TP73: variants seen among roughly 807,000 people sequenced by gnomAD.
The protein encoded by TP73 is p53-like transcription factor.
In TP73, 25 loss-of-function variants were observed where a neutral mutation model predicts 62.5. The observed-to-expected ratio is 0.40, with a 90% CI of 0.29 to 0.56. TP73 has a LOEUF of 0.56. Ranked by LOEUF, TP73 falls within the 20% of genes least tolerant of loss-of-function variation. The pLI is 0.46. For synonymous variants in TP73, 423 were observed against 377.5 expected, an observed-to-expected ratio of 1.12 and a Z score of -1.40; for missense variants, 754 against 913.3, an observed-to-expected ratio of 0.83 and a Z score of 2.25.
chr1:3,664,942 C>T (rs1214263890), intron 1 of TP73, among the ~76,000 whole-genome samples: 1 of 152,184 alleles, frequency 6.6e-6, no homozygotes, highest in African/African-American at 2.4e-5. Flanking sequence ...TTATGGTCCT[C>T]GCAATTTGCA....
chr1:3,720,795 G>A (rs1040338956), intron 4 of TP73, among the ~76,000 whole-genome samples: 8 of 152,216 alleles, frequency 5.3e-5, no homozygotes, highest in Non-Finnish European at 1.2e-4. Flanking sequence ...AGGGGGTCAG[G>A]GCCCCCTAAC....
Position 3,733,187 on chromosome 1 carries a change from G to GCCCGGGGAAAGGCAAGGTCCGGCCCATC in TP73, c.*112_*139dup, listed in dbSNP as rs1465527869. On this transcript the variant is annotated 3_prime_UTR_variant, in exon 14 of 14. Coordinates refer to ENST00000378295, the MANE Select transcript of TP73 (RefSeq NM_005427.4). The stretch of plus-strand genomic sequence containing the variant: ...TCAGGAGGCAGGACCTTCGGGCTGT[G>GCCCGGGGAAAGGCAAGGTCCGGCCCATC]CCCGGGGAAAGGCAAGGTCCGGCCC... The GCCCGGGGAAAGGCAAGGTCCGGCCCATC allele has an allele frequency of 2.1e-5, 28 of 1,318,488 alleles. No individual in the cohort carries two copies. Among genetic ancestry groups the GCCCGGGGAAAGGCAAGGTCCGGCCCATC allele is most frequent in the Non-Finnish European group, 2.6e-5 (26 of 987,050 alleles). The allele number at this position is 1,318,488 out of a possible 1,614,324, so 81.7% of individuals were successfully genotyped here. A position where few individuals can be genotyped will look rare whatever the true frequency, so the allele number is the denominator to read the frequency against.
intron 4 of TP73, among the ~76,000 whole-genome samples, chr1:3,719,328 C>T (rs1640873237): frequency 6.6e-6 from 1 of 152,216 alleles, no homozygotes; most frequent in African/African-American, 2.4e-5. Flanking sequence ...CATAAATGCT[C>T]AGCAATGGGC....
In TP73 at chr1:3,701,667, G is replaced by A. The variant is rs1284568713; in HGVS notation, c.187-5882G>A. On this transcript the variant is annotated intron_variant, in intron 3 of 13. Transcript: ENST00000378295. The surrounding 1 kb of genome is among the most constrained non-coding windows in gnomAD (Gnocchi z 4.7). Reference sequence around the variant, plus strand: ...TTACAGGTGCCCACCACCACGCCCAGCTAATTTTTTTTTGTAGTTTTAGTA... The same window carrying A: ...TTACAGGTGCCCACCACCACGCCCAACTAATTTTTTTTTGTAGTTTTAGTA... 6.7e-6 allele frequency among the ~76,000 whole-genome samples: 1 copy of A among 149,346 alleles called. No individual in the cohort carries two copies. The highest frequency in any genetic ancestry group is 1.9e-4 in the East Asian group (1 of 5,194).
chr1:3,680,659 C>G (rs1464650794), intron 1 of TP73, among the ~76,000 whole-genome samples: 1 of 152,228 alleles, frequency 6.6e-6, no homozygotes, highest in South Asian at 2.1e-4. Flanking sequence ...AGGGACCCAC[C>G]GTGGGGTATG....
intron 1 of TP73, among the ~76,000 whole-genome samples, chr1:3,654,792 G>A (rs1242364929): frequency 1.3e-5 from 2 of 152,250 alleles, no homozygotes; most frequent in Non-Finnish European, 2.9e-5. Flanking sequence ...GGAAGCTGAT[G>A]GCATCTGTCA....
chr1:3,700,102 G>A (rs1386800734), intron 3 of TP73, among the ~76,000 whole-genome samples: 1 of 152,032 alleles, frequency 6.6e-6, no homozygotes, highest in Non-Finnish European at 1.5e-5. Context: ...CTGCACTTGT[G>A]GAGACAAAGG....
At position 3,727,661 on chromosome 1, in the gene TP73, C is replaced by T. The variant is rs1641778872; in HGVS notation, c.876C>T (p.Gly292=). 5.6e-6 allele frequency: 9 copies of T among 1,599,848 alleles called. No homozygotes were observed. The highest frequency in any genetic ancestry group is 7.7e-6 in the Non-Finnish European group (9 of 1,175,732). ...TGCTGGGCCGCCGGTCCTTTGAGGG[C>T]CGCATCTGCGCCTGTCCTGGCCGCG... is the stretch of plus-strand genomic sequence containing the variant. ...GQVLGRRSFE[G]RICACPGRDR... is the part of the protein sequence containing the mutation. Residue 292 remains glycine, a synonymous_variant, in exon 8 of 14, where the codon GGC becomes GGT. Coordinates refer to ENST00000378295, the MANE Select transcript of TP73 (RefSeq NM_005427.4).
At chr1:3,698,650 A>T (rs1041403688) in intron 3 of TP73, among the ~76,000 whole-genome samples, 1 of 152,050 alleles carries the variant, frequency 6.6e-6, no homozygotes, top group Admixed American at 6.5e-5. Context: ...CGGGGCGGTT[A>T]GCAGGTGGAA....
chr1:3,702,713 G>A (rs1049692647), intron 3 of TP73, among the ~76,000 whole-genome samples: 3 of 152,362 alleles, frequency 2.0e-5, no homozygotes, highest in South Asian at 2.1e-4. Context: ...TGGCTCCCGC[G>A]CACTCCTTGG....
At chr1:3,712,343 T>C (rs1242743070) in intron 4 of TP73, 1 of 152,212 alleles carries the variant, frequency 6.6e-6, no homozygotes, top group Non-Finnish European at 1.5e-5. Context: ...AGGCCTGCTC[T>C]GGCTGTGGTC....
intron 11 of TP73, 99 bp downstream of exon 11, chr1:3,730,247 G>T: frequency 1.5e-6 from 2 of 1,329,034 alleles, no homozygotes; most frequent in South Asian, 1.9e-5. Flanking sequence ...CCCAGGGCAG[G>T]TGTCTCTGTG....
intron 1 of TP73, among the ~76,000 whole-genome samples, chr1:3,658,263 G>A (rs578203959): frequency 3.2e-4 from 48 of 152,348 alleles, no homozygotes; most frequent in Middle Eastern, 3.4e-3. Flanking sequence ...AGAGCAAGCT[G>A]TGGAGAGGGG....
chr1:3,714,079 ACT>A (rs1399610285), intron 4 of TP73: 1 of 151,520 alleles, frequency 6.6e-6, no homozygotes, highest in Non-Finnish European at 1.5e-5. Context: ...GGGAGACACC[ACT>A]CTCTGCAGGG....
At chr1:3,726,938 G>A (rs1216635774) in intron 6 of TP73, among the ~76,000 whole-genome samples, 177 bp from the exon 7 acceptor site, 3 of 151,930 alleles carry the variant, frequency 2.0e-5, no homozygotes, top group African/African-American at 4.8e-5. Context: ...TGGATGGATG[G>A]GGTGGGTTGG....
chr1:3,728,610 G>A (rs974683712), intron 9 of TP73, among the ~76,000 whole-genome samples: 6 of 152,206 alleles, frequency 3.9e-5, no homozygotes, highest in Non-Finnish European at 8.8e-5. Flanking sequence ...CCTCCAACAG[G>A]TGAATTAAAT....
chr1:3,711,787 C>A (rs948833223), intron 4 of TP73, among the ~76,000 whole-genome samples: 3 of 152,164 alleles, frequency 2.0e-5, no homozygotes, highest in African/African-American at 7.2e-5. Flanking sequence ...CGGACACAGC[C>A]CCCTGAGTGC....
Position 3,663,309 on chromosome 1 carries a change from C to T in TP73, c.-34+10668C>T, listed in dbSNP as rs967506909. 5.9e-5 allele frequency among the ~76,000 whole-genome samples: 9 copies of T among 152,316 alleles called. No individual in the cohort carries two copies. The highest frequency in any genetic ancestry group is 2.1e-4 in the South Asian group (1 of 4,832). ...CAAGAGGGCCGTGCAGGCTTATTTA[C>T]GAGAAGTTCCATGTGACACAGGAGC... On this transcript the variant is annotated intron_variant, in intron 1 of 13. Transcript: ENST00000378295. The surrounding 1 kb of genome is among the most constrained non-coding windows in gnomAD (Gnocchi z 4.7).
At chr1:3,683,598 G>C (rs752739827) in intron 3 of TP73, among the ~76,000 whole-genome samples, 7 of 152,188 alleles carry the variant, frequency 4.6e-5, no homozygotes, top group South Asian at 4.1e-4. Flanking sequence ...TCAGTCTCTT[G>C]GTCTGCTTTC....
Sources: allele counts gnomAD v4.1 joint callset (sites outside exome capture counted in the v4.1 genomes callset), GRCh38; gene constraint gnomAD v4.1.1; non-coding constraint Gnocchi (gnomAD v3.1); transcripts MANE v1.5; gene names NCBI Gene and HGNC (gene_info 2026-07-23, HGNC 2026-07-21).